The following FHIT variants were observed in gnomAD, a reference collection of about 807,000 sequenced individuals.
FHIT encodes bis(5'-adenosyl)-triphosphatase.
FHIT carries 19 observed loss-of-function variants against 17.9 expected under a neutral mutation model. That is an observed-to-expected ratio of 1.06 (90% CI 0.74 to 1.56). The LOEUF is 1.56. Among genes scored for constraint, FHIT ranks in the 40% most tolerant of loss-of-function variants. The pLI is 0.00. For synonymous variants in FHIT, 81 were observed against 69.7 expected, an observed-to-expected ratio of 1.16 and a Z score of -0.81; for missense variants, 248 against 189.2, an observed-to-expected ratio of 1.31 and a Z score of -1.82.
At chr3:60,449,427 T>TACACACACACACAC (rs140706888) in intron 5 of FHIT, among the ~76,000 whole-genome samples, 2 of 149,680 alleles carry the variant, frequency 1.3e-5, no homozygotes, top group Admixed American at 1.3e-4. Context: ...CATATGCGCA[T>TACACACACACACAC]ACACACACAC....
intron 5 of FHIT, among the ~76,000 whole-genome samples, chr3:60,512,492 T>C (rs2034988900): frequency 6.6e-6 from 1 of 152,222 alleles, no homozygotes; most frequent in Non-Finnish European, 1.5e-5. Context: ...TAGTTCTCCT[T>C]TACAATAAAT....
At chr3:59,917,119 C>A (rs544387173) in intron 8 of FHIT, among the ~76,000 whole-genome samples, 31 of 152,352 alleles carry the variant, frequency 2.0e-4, no homozygotes, top group Non-Finnish European at 3.4e-4. Flanking sequence ...CCCTCAGGGC[C>A]AAATGGCCTG....
chr3:60,931,319 C>G (rs1158686818), intron 3 of FHIT, among the ~76,000 whole-genome samples: 1 of 152,090 alleles, frequency 6.6e-6, no homozygotes, highest in Non-Finnish European at 1.5e-5. Flanking sequence ...ACATATGTAA[C>G]AAACCTGCAC....
At chr3:60,769,107 T>C (rs72876976) in intron 4 of FHIT, among the ~76,000 whole-genome samples, 25,119 of 152,106 alleles carry the variant, frequency 0.17, 3,143 homozygotes, top group African/African-American at 0.36. Flanking sequence ...TATGTACATA[T>C]ATTAAAAAGT....
intron 5 of FHIT, among the ~76,000 whole-genome samples, chr3:60,360,735 T>C (rs144518860): frequency 6.3e-4 from 96 of 152,284 alleles, no homozygotes; most frequent in Non-Finnish European, 5.4e-4. Flanking sequence ...ATTCACAACA[T>C]CTTCTCACAA....
intron 5 of FHIT, among the ~76,000 whole-genome samples, chr3:60,301,699 C>T (rs1448291130): frequency 4.6e-5 from 7 of 152,038 alleles, no homozygotes; most frequent in Non-Finnish European, 1.0e-4. Flanking sequence ...CGGGTTTTAG[C>T]AAAATAAGTG....
At chr3:60,925,012 A>C (rs550270672) in intron 3 of FHIT, among the ~76,000 whole-genome samples, 1 of 152,326 alleles carries the variant, frequency 6.6e-6, no homozygotes, top group East Asian at 1.9e-4. Context: ...TTAGAGAAAA[A>C]AGAATAAAAA....
intron 8 of FHIT, among the ~76,000 whole-genome samples, chr3:59,855,098 T>C (rs1559665868): frequency 6.6e-6 from 1 of 152,206 alleles, no homozygotes; most frequent in Non-Finnish European, 1.5e-5. Flanking sequence ...AACTGTAACA[T>C]TAAACAATGT....
Position 60,123,627 on chromosome 3 carries a change from T to C in FHIT, c.104-109475A>G, listed in dbSNP as rs914295844. On this transcript the variant is annotated intron_variant, in intron 5 of 9. Coordinates refer to ENST00000492590, the MANE Select transcript of FHIT (RefSeq NM_002012.4). ...AATACCAACACAGAGTCTTTTGAAT[T>C]GATTTTCAAATGATGAGTAGAGAAA... Among the ~76,000 whole-genome samples the C allele has an allele frequency of 1.1e-4, 16 of 152,180 alleles. 1 individual carries two copies. Among genetic ancestry groups the C allele is most frequent in the South Asian group, 2.1e-4 (1 of 4,824 alleles).
At chr3:60,252,786 C>T (rs967330179) in intron 5 of FHIT, among the ~76,000 whole-genome samples, 1 of 151,556 alleles carries the variant, frequency 6.6e-6, no homozygotes, top group South Asian at 2.1e-4. Flanking sequence ...GTCAGAAGAT[C>T]GAGACCATCC....
chr3:60,309,259 C>T (rs2106748839), intron 5 of FHIT, among the ~76,000 whole-genome samples: 1 of 151,996 alleles, frequency 6.6e-6, no homozygotes, highest in Middle Eastern at 3.4e-3. Context: ...TCACCAAATA[C>T]ATAAAGTGCT....
chr3:59,992,582 A>G (rs1332462035), intron 7 of FHIT, among the ~76,000 whole-genome samples: 1 of 152,130 alleles, frequency 6.6e-6, no homozygotes, highest in African/African-American at 2.4e-5. Flanking sequence ...ACATAAGGCA[A>G]AAACTAGTAT....
At chr3:60,241,231 A>C (rs1705114311) in intron 5 of FHIT, among the ~76,000 whole-genome samples, 1 of 152,130 alleles carries the variant, frequency 6.6e-6, no homozygotes, top group Non-Finnish European at 1.5e-5. Context: ...AGACAGTACC[A>C]AGGGAATTAT....
chr3:60,660,791 T>C (rs1553690930), intron 4 of FHIT, among the ~76,000 whole-genome samples: 1 of 145,810 alleles, frequency 6.9e-6, no homozygotes, highest in Non-Finnish European at 1.5e-5. Flanking sequence ...TCTTCATGTT[T>C]TTTGCCCATT....
intron 5 of FHIT, among the ~76,000 whole-genome samples, chr3:60,448,055 T>C (rs896554073): frequency 1.3e-5 from 2 of 152,148 alleles, no homozygotes; most frequent in African/African-American, 2.4e-5. Flanking sequence ...CCCTCTATTA[T>C]GTAGGTAGCT....
intron 4 of FHIT, among the ~76,000 whole-genome samples, chr3:60,629,245 G>A (rs187634285): frequency 1.3e-5 from 2 of 152,290 alleles, no homozygotes; most frequent in African/African-American, 2.4e-5. Context: ...CATCTGCCCA[G>A]AGTGGAGGCT....
intron 5 of FHIT, among the ~76,000 whole-genome samples, chr3:60,272,965 T>C (rs1424722305): frequency 6.6e-6 from 1 of 152,232 alleles, no homozygotes; most frequent in Admixed American, 6.5e-5. Flanking sequence ...CAATTCTGTC[T>C]CCATTCAAAT....
chr3:59,917,679 T>A (rs930705291), intron 8 of FHIT, among the ~76,000 whole-genome samples: 3 of 152,052 alleles, frequency 2.0e-5, no homozygotes, highest in South Asian at 4.1e-4. Context: ...CAGCAGACAA[T>A]CTGCTTTGGA....
intron 5 of FHIT, among the ~76,000 whole-genome samples, chr3:60,142,025 G>A (rs1700057660): frequency 6.6e-6 from 1 of 152,148 alleles, no homozygotes; most frequent in African/African-American, 2.4e-5. Context: ...GGATAAAAAA[G>A]AAGGTAAGCA....
Sources: allele counts gnomAD v4.1 joint callset (sites outside exome capture counted in the v4.1 genomes callset), GRCh38; gene constraint gnomAD v4.1.1; transcripts MANE v1.5; gene names NCBI Gene and HGNC (gene_info 2026-07-23, HGNC 2026-07-21).